The following THPO variants were observed in gnomAD, a reference collection of about 807,000 sequenced individuals.
The protein encoded by THPO is MPL ligand.
THPO carries 12 observed loss-of-function variants against 17.0 expected under a neutral mutation model. The observed-to-expected ratio is 0.71, with a 90% CI of 0.45 to 1.14. THPO has a LOEUF of 1.14. Ranked by LOEUF, THPO falls within the 50% of genes most tolerant of loss-of-function variation. THPO has a pLI of 0.00. For missense variants in THPO, 365 were observed against 427.5 expected (o/e 0.85, Z 1.29); for synonymous variants, 188 against 183.0 (o/e 1.03, Z -0.22).
At chr3:184,374,208 A>G (rs1029456243) in intron 4 of THPO, among the ~76,000 whole-genome samples, 1 of 152,154 alleles carries the variant, frequency 6.6e-6, no homozygotes, top group Non-Finnish European at 1.5e-5. Flanking sequence ...AGCCTGGGGG[A>G]TAGAGTGAGA....
At chr3:184,375,412 G>T in intron 4 of THPO, 103 bp downstream of exon 4, 1 of 1,233,578 alleles carries the variant, frequency 8.1e-7, no homozygotes, top group Non-Finnish European at 1.2e-6. Context: ...AGCTGAAGGT[G>T]AGATATTTTT....
At position 184,372,328 on chromosome 3, in the gene THPO, T is replaced by A; in HGVS notation, c.*185A>T. The A allele has an allele frequency of 2.9e-6, 2 of 692,632 alleles. No individual in the cohort carries two copies. The highest frequency in any genetic ancestry group is 4.9e-6 in the Non-Finnish European group (2 of 410,170). The allele number at this position is 692,632 out of a possible 1,614,324, so 42.9% of individuals were successfully genotyped here. Reference sequence around the variant, plus strand: ...GAGTATTGCTGATAGCTTAAAAAAATAGCTTCTGAAGGTTTATAATGTACA... The same window carrying A: ...GAGTATTGCTGATAGCTTAAAAAAAAAGCTTCTGAAGGTTTATAATGTACA... On this transcript the variant is annotated 3_prime_UTR_variant, in exon 6 of 6. Transcript: ENST00000647395.
rs978052592 is a variant in THPO, at chr3:184,372,340, G to T, written c.*173C>A. On this transcript the variant is annotated 3_prime_UTR_variant, in exon 6 of 6. Transcript: ENST00000647395. ...TAGCTTAAAAAAATAGCTTCTGAAG[G>T]TTTATAATGTACAGTGAAAAATGAT... 4.0e-6 allele frequency: 3 copies of T among 749,454 alleles called. No individual in the cohort carries two copies. Among genetic ancestry groups the T allele is most frequent in the Admixed American group, 2.5e-5 (1 of 40,696 alleles). 46.4% of individuals were successfully genotyped at this position (749,454 alleles called of 1,614,324 possible).
rs371525109 is a variant in THPO, at chr3:184,373,407, G to A, written c.396+8C>T. On this transcript the variant is annotated splice_region_variant and intron_variant, in intron 5 of 5. Coordinates refer to ENST00000647395, the MANE Select transcript of THPO (RefSeq NM_000460.4). ...CAGTTTCTACAGATCCCTTGACTGG[G>A]GACTTACCTGGGTTCCAAGGAGGCT... The A allele has an allele frequency of 1.2e-6, 2 of 1,613,826 alleles. No individual in the cohort carries two copies. The highest frequency in any genetic ancestry group is 2.2e-5 in the East Asian group (1 of 44,876).
chr3:184,372,801 A>T lies in THPO; in HGVS notation c.774T>A (p.Arg258=), dbSNP rs758653946. Residue 258 remains arginine (R), a synonymous_variant, in exon 6 of 6, where the codon CGT becomes CGA. Coordinates refer to ENST00000647395, the MANE Select transcript of THPO (RefSeq NM_000460.4). ...NRIHELLNGT[R]GLFPGPSRRT... ...TGCGTGAGGGTCCAGGAAAGAGTCCACGAGTTCCATTCAAGAGTTCGTGTA... is the reference window on the plus strand; with the variant it reads ...TGCGTGAGGGTCCAGGAAAGAGTCCTCGAGTTCCATTCAAGAGTTCGTGTA... 6.2e-7 allele frequency: 1 copy of T among 1,614,124 alleles called. No individual in the cohort carries two copies. Among genetic ancestry groups the T allele is most frequent in the Non-Finnish European group, 8.5e-7 (1 of 1,180,020 alleles).
At chr3:184,377,936 T>C in intron 1 of THPO, 139 bp downstream of exon 1, 1 of 626,060 alleles carries the variant, frequency 1.6e-6, no homozygotes, top group Non-Finnish European at 2.0e-6. Context: ...CTCCTCCCAT[T>C]CTGGGAAGGC....
At chr3:184,376,892 A>C (rs940761656) in intron 1 of THPO, among the ~76,000 whole-genome samples, 1 of 152,136 alleles carries the variant, frequency 6.6e-6, no homozygotes, top group African/African-American at 2.4e-5. Context: ...GCAAGAAAGC[A>C]TATGGTGTCT....
intron 4 of THPO, among the ~76,000 whole-genome samples, chr3:184,374,183 A>G (rs1174460925): frequency 6.6e-6 from 1 of 152,176 alleles, no homozygotes; most frequent in Non-Finnish European, 1.5e-5. Flanking sequence ...AGTTGAGATC[A>G]TGCCACTGCA....
rs772018858 is a variant in THPO at position 184,372,952 on chromosome 3, G to C, written c.623C>G (p.Thr208Ser). The change falls in exon 6 of 6, where the codon ACT becomes AGT. Residue 208 changes from threonine (T) to serine (S), a missense_variant. Physicochemically the swap from Thr to Ser is moderately conservative, Grantham distance 58 (BLOSUM62 1). Coordinates refer to ENST00000647395, the MANE Select transcript of THPO (RefSeq NM_000460.4). ...AGAGCCAGTAGTTCTGGCTGAGGCA[G>C]TGAAGTTTGTCTCCAACAATCCAGA... ...RTSGLLETNF[T>S]ASARTTGSGL... 6.2e-7 allele frequency: 1 copy of C among 1,614,134 alleles called. No individual in the cohort carries two copies. The highest frequency in any genetic ancestry group is 8.5e-7 in the Non-Finnish European group (1 of 1,180,052).
In THPO at chr3:184,372,627, A is replaced by AG. The variant is rs1260352113; in HGVS notation, c.947dup (p.Val317CysfsTer10). The AG allele has an allele frequency of 6.2e-7, 1 of 1,613,336 alleles. No individual in the cohort carries two copies. The highest frequency in any genetic ancestry group is 1.7e-5 in the Admixed American group (1 of 59,988). ...GAAGCAGGGGGTGGAGCTGGACCAC[A>AG]GGGGTGGGCAAGGTGGGTGGAAGAG... is the stretch of plus-strand genomic sequence containing the variant. On this transcript the variant is annotated frameshift_variant, in exon 6 of 6. Coordinates refer to ENST00000647395, the MANE Select transcript of THPO (RefSeq NM_000460.4). LOFTEE classifies it low-confidence loss of function (END_TRUNC).
rs530613857 is a variant in THPO, at chr3:184,372,686, T to G, written c.889A>C (p.Thr297Pro). 3.1e-6 allele frequency: 5 copies of G among 1,611,986 alleles called. No individual in the cohort carries two copies. The highest frequency in any genetic ancestry group is 2.2e-5 in the East Asian group (1 of 44,794). Residue 297 changes from threonine to proline, a missense_variant, in exon 6 of 6, where the codon ACC (threonine) becomes CCC (proline). Physicochemically the swap from Thr to Pro is conservative, Grantham distance 38. Transcript: ENST00000647395. ...NLQPGYSPSP[T>P]HPPTGQYTLF... is the part of the protein sequence containing the mutation. The stretch of plus-strand genomic sequence containing the variant: ...GTATACTGTCCAGTAGGAGGATGGG[T>G]TGGGGAAGGAGAATATCCAGGCTGG...
rs767954722 is a variant in THPO, at chr3:184,372,895, G to A, written c.680C>T (p.Ala227Val). ...GLLKWQQGFR[A>V]KIPGLLNQTS... ...TTGGTTCAGCAGACCAGGAATCTTG[G>A]CTCTGAATCCCTGCTGCCACTTCAG... is the stretch of plus-strand genomic sequence containing the variant. The change falls in exon 6 of 6, where the codon GCC becomes GTC. Residue 227 changes from alanine (A) to valine (V), a missense_variant. Transcript: ENST00000647395. 59 of 1,613,884 alleles carry A rather than the reference G, an allele frequency of 3.7e-5. No individual in the cohort carries two copies. The highest frequency in any genetic ancestry group is 4.9e-5 in the Non-Finnish European group (58 of 1,179,974).
rs775902739 is a variant in THPO at position 184,373,077 on chromosome 3, T to C, written c.498A>G (p.Val166=). ...LRGKVRFLML[V]GGSTLCVRRA... is the part of the protein sequence containing the mutation. ...GCCTGACGCAGAGGGTGGACCCTCC[T>C]ACAAGCATCAGGAAACGCACCTTTC... is the stretch of plus-strand genomic sequence containing the variant. Residue 166 remains valine, a synonymous_variant, in exon 6 of 6, where the codon GTA becomes GTG. Coordinates refer to ENST00000647395, the MANE Select transcript of THPO (RefSeq NM_000460.4). 7 of 1,613,976 alleles carry C rather than the reference T, an allele frequency of 4.3e-6. No individual in the cohort carries two copies. In the South Asian group the frequency reaches 7.7e-5, roughly 18 times the overall value.
chr3:184,372,320 T>TA lies in THPO; in HGVS notation c.*192dup, dbSNP rs559936675. 8 of 677,202 alleles carry TA rather than the reference T, an allele frequency of 1.2e-5. No homozygotes were observed. The highest frequency in any genetic ancestry group is 8.3e-4 in the Middle Eastern group (2 of 2,402). The allele number at this position is 677,202 out of a possible 1,614,324, so 41.9% of individuals were successfully genotyped here. A position where few individuals can be genotyped will look rare whatever the true frequency, so the allele number is the denominator to read the frequency against. ...GCTCTGATGAGTATTGCTGATAGCT[T>TA]AAAAAAATAGCTTCTGAAGGTTTAT... On this transcript the variant is annotated 3_prime_UTR_variant, in exon 6 of 6. Coordinates refer to ENST00000647395, the MANE Select transcript of THPO (RefSeq NM_000460.4).
At chr3:184,378,797 T>TAC (rs1317094025), upstream of THPO, 1 of 985,178 alleles carries the variant, frequency 1.0e-6, no homozygotes, top group African/African-American at 1.7e-5. Context: ...CTTAGATGGC[T>TAC]ACACACACAG....
At chr3:184,375,095 T>A (rs532953796) in intron 4 of THPO, among the ~76,000 whole-genome samples, 179 of 152,336 alleles carry the variant, frequency 1.2e-3, no homozygotes, top group African/African-American at 4.1e-3. Flanking sequence ...ATGTAGAAGT[T>A]TATATCTCTG....
upstream of THPO, chr3:184,378,736 G>A (rs551784151): frequency 3.7e-5 from 35 of 937,706 alleles, no homozygotes; most frequent in South Asian, 4.9e-5. Flanking sequence ...GTGCGCACAC[G>A]TGCACTGGGT....
chr3:184,372,541 T>G lies in THPO; in HGVS notation c.1034A>C (p.His345Pro), dbSNP rs748380310. 1 of 1,611,844 alleles carries G rather than the reference T, an allele frequency of 6.2e-7. No homozygotes were observed. Among genetic ancestry groups the G allele is most frequent in the South Asian group, 1.1e-5 (1 of 90,964 alleles). Residue 345 changes from histidine to proline, a missense_variant, in exon 6 of 6, where the codon CAC becomes CCC. By Grantham distance (77) the His-to-Pro change is moderately conservative (BLOSUM62 -2). Transcript: ENST00000647395. ...TSPLLNTSYT[H>P]SQNLSQEG ...CCCTTCCTGAGACAGATTCTGGGAG[T>G]GGGTGTAGGATGTGTTTAGAAGAGG...
rs1295545352 is a variant in THPO at position 184,375,962 on chromosome 3, G to C, written c.67C>G (p.Pro23Ala). ...LLTARLTLSS[P>A]APPACDLRVL... ...CGGAGGTCACAAGCAGGAGGAGCCG[G>C]GCTGGACAGCGTTAGCCTTGCAGTT... Residue 23 changes from proline to alanine, a missense_variant, in exon 3 of 6, where the codon CCG (proline) becomes GCG (alanine). Pro to Ala is a conservative substitution (Grantham distance 27). Coordinates refer to ENST00000647395, the MANE Select transcript of THPO (RefSeq NM_000460.4). The C allele has an allele frequency of 6.2e-7, 1 of 1,613,944 alleles. No individual in the cohort carries two copies. Among genetic ancestry groups the C allele is most frequent in the Admixed American group, 1.7e-5 (1 of 60,008 alleles).
Sources: gnomAD v4.1 joint callset for allele counts (sites outside exome capture counted in the v4.1 genomes callset) on GRCh38, gnomAD v4.1.1 for gene constraint, MANE v1.5 for transcripts, NCBI Gene and HGNC (gene_info 2026-07-23, HGNC 2026-07-21) for gene names.